Variants in PDGFC observed in about 807,000 individuals in gnomAD.
The protein encoded by PDGFC is platelet-derived growth factor C.
Under a neutral mutation model 35.5 loss-of-function variants are expected in PDGFC, and 12 were observed. The observed-to-expected ratio is 0.34, with a 90% CI of 0.22 to 0.55. PDGFC has a LOEUF of 0.55. Ranked by LOEUF, PDGFC falls within the 20% of genes least tolerant of loss-of-function variation. The probability of loss-of-function intolerance (pLI) is 0.91; values close to 1 mark genes in which losing one functional copy is unlikely to be tolerated. For synonymous variants in PDGFC, 159 were observed against 148.8 expected, an observed-to-expected ratio of 1.07 and a Z score of -0.50; for missense variants, 322 against 412.4, an observed-to-expected ratio of 0.78 and a Z score of 1.90.
At chr4:156,969,217 A>G (rs1241955769) in intron 1 of PDGFC, among the ~76,000 whole-genome samples, 1 of 152,206 alleles carries the variant, frequency 6.6e-6, no homozygotes, top group African/African-American at 2.4e-5. Flanking sequence ...AATATTTTGA[A>G]CTGGACATTT....
At chr4:156,854,623 A>G (rs2111095017) in intron 1 of PDGFC, among the ~76,000 whole-genome samples, 1 of 152,304 alleles carries the variant, frequency 6.6e-6, no homozygotes, top group Non-Finnish European at 1.5e-5. Context: ...TCAGAAGAAG[A>G]AAGAAAAAGA....
intron 3 of PDGFC, among the ~76,000 whole-genome samples, chr4:156,775,336 A>G (rs1730801526): frequency 6.6e-6 from 1 of 152,190 alleles, no homozygotes; most frequent in African/African-American, 2.4e-5. Context: ...GGTCAATAAT[A>G]GTCAAAGAAT....
chr4:156,769,544 T>C (rs1470512886), intron 4 of PDGFC, among the ~76,000 whole-genome samples: 1 of 151,998 alleles, frequency 6.6e-6, no homozygotes. Flanking sequence ...TTCAACACCT[T>C]ATTCAGCTAA....
At chr4:156,827,416 CAA>C (rs532548640) in intron 2 of PDGFC, among the ~76,000 whole-genome samples, 4 of 126,256 alleles carry the variant, frequency 3.2e-5, no homozygotes, top group Non-Finnish European at 5.1e-5. Flanking sequence ...GACTCCATCT[CAA>C]AAAAAAAAAA....
chr4:156,768,983 A>C (rs1730617951), intron 4 of PDGFC, among the ~76,000 whole-genome samples: 1 of 151,924 alleles, frequency 6.6e-6, no homozygotes, highest in Non-Finnish European at 1.5e-5. Context: ...TTCTAATATA[A>C]TTTATTTTCT....
intron 1 of PDGFC, among the ~76,000 whole-genome samples, chr4:156,865,743 G>C (rs1729825469): frequency 6.6e-6 from 1 of 152,202 alleles, no homozygotes; most frequent in Non-Finnish European, 1.5e-5. Flanking sequence ...TGATGACAAA[G>C]CTGCTTCCTT....
chr4:156,767,943 T>C lies in PDGFC; in HGVS notation c.751A>G (p.Thr251Ala), dbSNP rs777064864. 2.5e-6 allele frequency: 4 copies of C among 1,612,626 alleles called. No homozygotes were observed. The highest frequency in any genetic ancestry group is 2.2e-5 in the South Asian group (2 of 91,068). The change falls in exon 5 of 6, where the codon ACA becomes GCA. Residue 251 changes from threonine (T) to alanine (A), a missense_variant. Coordinates refer to ENST00000502773, the MANE Select transcript of PDGFC (RefSeq NM_016205.3). ...ATGGACACTGAGAAGTTACGAGGTG[T>C]GCAGCTGTATAATCTTACCTCCTCT... is the stretch of plus-strand genomic sequence containing the variant. ...LTEEVRLYSC[T>A]PRNFSVSIRE... is the part of the protein sequence containing the mutation.
chr4:156,793,624 T>C (rs1731359003), intron 3 of PDGFC, among the ~76,000 whole-genome samples: 2 of 149,840 alleles, frequency 1.3e-5, no homozygotes, highest in Non-Finnish European at 1.5e-5. Context: ...TTTGTCCTTA[T>C]AGTGGGGTCT....
intron 1 of PDGFC, among the ~76,000 whole-genome samples, chr4:156,939,830 A>G (rs1731765644): frequency 6.6e-6 from 1 of 152,106 alleles, no homozygotes; most frequent in Admixed American, 6.6e-5. Context: ...ACGTTGACAG[A>G]ATGCAACATA....
chr4:156,835,374 C>T (rs138083634), intron 2 of PDGFC, among the ~76,000 whole-genome samples: 17 of 152,114 alleles, frequency 1.1e-4, no homozygotes, highest in Non-Finnish European at 1.9e-4. Flanking sequence ...AATTTTAATC[C>T]GAAGGATCAT....
chr4:156,842,739 T>A (rs972761921), intron 2 of PDGFC, among the ~76,000 whole-genome samples: 6 of 152,156 alleles, frequency 3.9e-5, no homozygotes, highest in Non-Finnish European at 7.3e-5. Context: ...GTTCTCAAAT[T>A]ATTTTCTCTA....
Position 156,899,658 on chromosome 4 carries a change from C to T in PDGFC, c.119-49242G>A, listed in dbSNP as rs556782795. ...GGTGAAACCTCGTCTCTACTAAAAACACAAAAGTTAGCGGAGGTTGGTGGC... is the reference window on the plus strand; with the variant it reads ...GGTGAAACCTCGTCTCTACTAAAAATACAAAAGTTAGCGGAGGTTGGTGGC... On this transcript the variant is annotated intron_variant, in intron 1 of 5. Transcript: ENST00000502773. 2.3e-3 allele frequency among the ~76,000 whole-genome samples: 357 copies of T among 152,122 alleles called. 2 individuals are homozygous for T. Among genetic ancestry groups the T allele is most frequent in the South Asian group, 0.018 (86 of 4,818 alleles).
intron 3 of PDGFC, among the ~76,000 whole-genome samples, chr4:156,780,818 C>G (rs1318153769): frequency 6.6e-6 from 1 of 152,140 alleles, no homozygotes; most frequent in Non-Finnish European, 1.5e-5. Context: ...AATGACCCCC[C>G]CACATGGCTG....
chr4:156,875,415 G>A (rs935644748), intron 1 of PDGFC, among the ~76,000 whole-genome samples: 7 of 152,104 alleles, frequency 4.6e-5, no homozygotes, highest in African/African-American at 1.2e-4. Flanking sequence ...AGATGGAAAG[G>A]GAATATGACC....
At position 156,971,235 on chromosome 4, in the gene PDGFC, G is replaced by A; in HGVS notation, c.-332C>T. The A allele has an allele frequency of 2.3e-6, 1 of 432,362 alleles. No individual in the cohort carries two copies. Among genetic ancestry groups the A allele is most frequent in the Non-Finnish European group, 4.1e-6 (1 of 244,972 alleles). 26.8% of individuals were successfully genotyped at this position (432,362 alleles called of 1,614,324 possible). A position where few individuals can be genotyped will look rare whatever the true frequency, so the allele number is the denominator to read the frequency against. ...TGAGGGGGTGGGGACGCGGGGGAGC[G>A]GCGAGAAGTCCCCAGCAAGTTGCTG... is the stretch of plus-strand genomic sequence containing the variant. On this transcript the variant is annotated 5_prime_UTR_variant, in exon 1 of 6. Coordinates refer to ENST00000502773, the MANE Select transcript of PDGFC (RefSeq NM_016205.3).
At chr4:156,828,722 G>A (rs899992140) in intron 2 of PDGFC, among the ~76,000 whole-genome samples, 1 of 151,982 alleles carries the variant, frequency 6.6e-6, no homozygotes, top group African/African-American at 2.4e-5. Flanking sequence ...AGATAGAACA[G>A]GTAAAATTCT....
chr4:156,927,844 C>T (rs952059332), intron 1 of PDGFC, among the ~76,000 whole-genome samples: 1 of 152,128 alleles, frequency 6.6e-6, no homozygotes, highest in African/African-American at 2.4e-5. Context: ...TTCAGCAGTG[C>T]CCCACTCTAC....
chr4:156,892,004 T>C (rs963872474), intron 1 of PDGFC, among the ~76,000 whole-genome samples: 5 of 152,148 alleles, frequency 3.3e-5, no homozygotes, highest in African/African-American at 4.8e-5. Flanking sequence ...TACGTGCTGG[T>C]TGTGTATCAA....
chr4:156,876,247 C>T (rs546134227), intron 1 of PDGFC, among the ~76,000 whole-genome samples: 155 of 152,232 alleles, frequency 1.0e-3, no homozygotes, highest in African/African-American at 3.5e-3. Context: ...AAAAGTTCTT[C>T]AAGGTTCTCC....
Sources: gnomAD v4.1 joint callset for allele counts (sites outside exome capture counted in the v4.1 genomes callset) on GRCh38, gnomAD v4.1.1 for gene constraint, MANE v1.5 for transcripts, NCBI Gene and HGNC (gene_info 2026-07-23, HGNC 2026-07-21) for gene names.